Variants in ZNF239 observed in about 807,000 individuals in gnomAD.
ZNF239 encodes zinc finger protein (C2H2) homologous to mouse MOK-2.
In ZNF239, 16 loss-of-function variants were observed where a neutral mutation model predicts 27.5. The ratio of observed to expected loss-of-function variants is 0.58; its 90% CI spans 0.39 to 0.88. The LOEUF is 0.88. ZNF239 is among the 40% of genes least tolerant of loss of function. The pLI is 0.00. For missense variants in ZNF239, 527 were observed against 551.9 expected (o/e 0.95, Z 0.45); for synonymous variants, 199 against 192.6 (o/e 1.03, Z -0.27).
At chr10:43,566,656 T>C (rs955670597) in intron 3 of ZNF239, among the ~76,000 whole-genome samples, 1 of 152,226 alleles carries the variant, frequency 6.6e-6, no homozygotes, top group African/African-American at 2.4e-5. Flanking sequence ...TTCAACCTAG[T>C]AGGTATACAT....
chr10:43,568,911 G>A (rs1420292309), intron 2 of ZNF239, among the ~76,000 whole-genome samples: 1 of 152,132 alleles, frequency 6.6e-6, no homozygotes, highest in Non-Finnish European at 1.5e-5. Flanking sequence ...TTAGCCAGGC[G>A]TGGTGATGTG....
intron 2 of ZNF239, chr10:43,570,842 C>G: frequency 2.0e-6 from 2 of 984,968 alleles, no homozygotes; most frequent in Non-Finnish European, 2.4e-6. Context: ...TTAAGGTCCT[C>G]AAGATAAAAT....
At chr10:43,567,017 C>G (rs1837702123) in intron 3 of ZNF239, among the ~76,000 whole-genome samples, 1 of 152,042 alleles carries the variant, frequency 6.6e-6, no homozygotes, top group South Asian at 2.1e-4. Flanking sequence ...TCACTTGAAC[C>G]TGGGAGGTGG....
At chr10:43,570,699 T>C (rs1837975512) in intron 2 of ZNF239, 1 of 909,618 alleles carries the variant, frequency 1.1e-6, no homozygotes. Flanking sequence ...CTCTTTTCCA[T>C]TTCCACTGCC....
intron 3 of ZNF239, among the ~76,000 whole-genome samples, chr10:43,565,022 T>G (rs541815996): frequency 6.6e-5 from 10 of 152,306 alleles, no homozygotes; most frequent in Non-Finnish European, 1.3e-4. Flanking sequence ...CCATGCATTC[T>G]CAGGGGCAAT....
chr10:43,556,568 A>AT lies in ZNF239; in HGVS notation c.*134dup. ...GATACTTAAATATTTTGAATGAGTG[A>AT]TTTTTCAGTGAGGGAACATATCTAA... On this transcript the variant is annotated 3_prime_UTR_variant, in exon 4 of 4. Coordinates refer to ENST00000374446, the MANE Select transcript of ZNF239 (RefSeq NM_001099282.2). 4.2e-6 allele frequency: 5 copies of AT among 1,177,392 alleles called. No homozygotes were observed. The highest frequency in any genetic ancestry group is 5.8e-6 in the Non-Finnish European group (5 of 861,270). 72.9% of individuals were successfully genotyped at this position (1,177,392 alleles called of 1,614,324 possible).
At chr10:43,570,881 A>G (rs1588816608) in intron 2 of ZNF239, 2 of 985,290 alleles carry the variant, frequency 2.0e-6, no homozygotes, top group East Asian at 1.1e-4. Flanking sequence ...CTGAGAAGGG[A>G]AAGGATATGT....
At chr10:43,560,429 T>C (rs1359557661) in intron 3 of ZNF239, among the ~76,000 whole-genome samples, 1 of 152,022 alleles carries the variant, frequency 6.6e-6, no homozygotes, top group African/African-American at 2.4e-5. Context: ...GATAACTCAG[T>C]GGCAAAAGAG....
Position 43,556,720 on chromosome 10 carries a change from T to C in ZNF239, c.1360A>G (p.Lys454Glu). 1 of 1,613,484 alleles carries C rather than the reference T, an allele frequency of 6.2e-7. No individual in the cohort carries two copies. The highest frequency in any genetic ancestry group is 1.1e-5 in the South Asian group (1 of 91,070). The change falls in exon 4 of 4, where the codon AAG becomes GAG. Residue 454 changes from lysine to glutamate, a missense_variant. By Grantham distance (56) the Lys-to-Glu change is moderately conservative. Coordinates refer to ENST00000374446, the MANE Select transcript of ZNF239 (RefSeq NM_001099282.2). ...SNLHIHQRVH[K>E]KDPR ...AATGTCAGTTAGCGAGGATCTTTCT[T>C]GTGAACCCGCTGGTGGATGTGAAGG...
chr10:43,570,260 G>A (rs1466938261), intron 2 of ZNF239: 1 of 985,136 alleles, frequency 1.0e-6, no homozygotes, highest in Non-Finnish European at 1.2e-6. Context: ...CAAGGTCACT[G>A]GTCTCCATTC....
At chr10:43,571,611 T>G (rs923438516) in intron 2 of ZNF239, among the ~76,000 whole-genome samples, 2 of 152,094 alleles carry the variant, frequency 1.3e-5, no homozygotes, top group Non-Finnish European at 2.9e-5. Flanking sequence ...CAGGCTGGAG[T>G]GCAGTGGCAT....
At chr10:43,560,027 A>G (rs1372041796) in intron 3 of ZNF239, among the ~76,000 whole-genome samples, 1 of 152,228 alleles carries the variant, frequency 6.6e-6, no homozygotes, top group Non-Finnish European at 1.5e-5. Flanking sequence ...AGAAAATAAT[A>G]AACAATGATA....
At position 43,557,826 on chromosome 10, in the gene ZNF239, T is replaced by C. The variant is rs761995154; in HGVS notation, c.254A>G (p.Glu85Gly). Residue 85 changes from glutamate to glycine, a missense_variant, in exon 4 of 4, where the codon GAG (glutamate) becomes GGG (glycine). By Grantham distance (98) the Glu-to-Gly change is moderately conservative. Coordinates refer to ENST00000374446, the MANE Select transcript of ZNF239 (RefSeq NM_001099282.2). ...QDSSVKFCKN[E>G]PQDHQESRRL... is the part of the protein sequence containing the mutation. ...TCTGCTTTCCTGATGATCCTGAGGC[T>C]CATTCTTACAGAACTTCACTGAAGA... The C allele has an allele frequency of 6.2e-7, 1 of 1,614,236 alleles. No homozygotes were observed. The highest frequency in any genetic ancestry group is 1.1e-5 in the South Asian group (1 of 91,082).
rs1418263778 is a variant in ZNF239, at chr10:43,557,798, AC to A, written c.281del (p.Arg94LeufsTer4). The A allele has an allele frequency of 6.2e-7, 1 of 1,614,134 alleles. No individual in the cohort carries two copies. The highest frequency in any genetic ancestry group is 1.7e-5 in the Admixed American group (1 of 60,026). On this transcript the variant is annotated frameshift_variant, in exon 4 of 4. Coordinates refer to ENST00000374446, the MANE Select transcript of ZNF239 (RefSeq NM_001099282.2). LOFTEE classifies it high-confidence loss of function. ...CAGTGCTTTCTTCCATTACAAAGAG[AC>A]GTCTGCTTTCCTGATGATCCTGAGG... ...NEPQDHQESR[R>X]LFVMEESTER... is the part of the protein sequence containing the mutation.
intron 2 of ZNF239, chr10:43,570,419 C>T: frequency 1.0e-6 from 1 of 985,296 alleles, no homozygotes; most frequent in Non-Finnish European, 1.2e-6. Context: ...GGACTGGCTG[C>T]TCTTCCCAAC....
chr10:43,564,301 A>G, intron 3 of ZNF239: 1 of 983,760 alleles, frequency 1.0e-6, no homozygotes, highest in Non-Finnish European at 1.2e-6. Flanking sequence ...TAACACTCCA[A>G]AGAATGACAT....
At chr10:43,563,265 G>T (rs182513073) in intron 3 of ZNF239, among the ~76,000 whole-genome samples, 204 of 152,202 alleles carry the variant, frequency 1.3e-3, no homozygotes, top group African/African-American at 4.7e-3. Flanking sequence ...ACAGTGAGCC[G>T]AGATTGTGCC....
chr10:43,574,150 C>T (rs969827172), intron 1 of ZNF239, among the ~76,000 whole-genome samples: 4 of 152,216 alleles, frequency 2.6e-5, no homozygotes, highest in Non-Finnish European at 5.9e-5. Flanking sequence ...GAGCCCCCGT[C>T]CGTCGCCTAA....
rs1435456291 is a variant in ZNF239, at chr10:43,556,995, AG to A, written c.1084del (p.Leu362PhefsTer99). On this transcript the variant is annotated frameshift_variant, in exon 4 of 4. Coordinates refer to ENST00000374446, the MANE Select transcript of ZNF239 (RefSeq NM_001099282.2). LOFTEE classifies it high-confidence loss of function. ...TGTGTGGATGCACCGGTGAATGTGA[AG>A]GTTCGAGCTCTGACTGAAGCCCTTC... is the stretch of plus-strand genomic sequence containing the variant. ...CGKGFSQSSN[L>X]HIHRCIHTGE... 5 of 1,613,954 alleles carry A rather than the reference AG, an allele frequency of 3.1e-6. No homozygotes were observed. Among genetic ancestry groups the A allele is most frequent in the Non-Finnish European group, 4.2e-6 (5 of 1,179,968 alleles).
Sources: gnomAD v4.1 joint callset for allele counts (sites outside exome capture counted in the v4.1 genomes callset) on GRCh38, gnomAD v4.1.1 for gene constraint, MANE v1.5 for transcripts, NCBI Gene and HGNC (gene_info 2026-07-23, HGNC 2026-07-21) for gene names.